The following SDK1 variants were observed in gnomAD, a reference collection of about 807,000 sequenced individuals.
SDK1 encodes protein sidekick-1.
SDK1 carries 157 observed loss-of-function variants against 245.5 expected under a neutral mutation model. That is an observed-to-expected ratio of 0.64 (90% CI 0.56 to 0.73). The LOEUF is 0.73. Ranked by LOEUF, SDK1 falls within the 30% of genes least tolerant of loss-of-function variation. The pLI is 0.00. For synonymous variants in SDK1, 1,647 were observed against 1,278.5 expected (o/e 1.29, Z -6.15); for missense variants, 3,583 against 3,002.3 (o/e 1.19, Z -4.52).
At chr7:3,464,235 G>A (rs557504140) in intron 1 of SDK1, among the ~76,000 whole-genome samples, 1 of 152,228 alleles carries the variant, frequency 6.6e-6, no homozygotes, top group East Asian at 1.9e-4. Context: ...GTTGAAATAA[G>A]GTATTGGGCC....
chr7:3,588,049 T>G (rs191086758), intron 1 of SDK1, among the ~76,000 whole-genome samples: 2 of 152,238 alleles, frequency 1.3e-5, no homozygotes, highest in Non-Finnish European at 2.9e-5. Context: ...GTAGTAGGGA[T>G]GTTCAGCATT....
intron 16 of SDK1, among the ~76,000 whole-genome samples, chr7:4,016,129 G>A (rs1025720831): frequency 3.9e-5 from 6 of 152,230 alleles, no homozygotes; most frequent in East Asian, 1.9e-4. Flanking sequence ...TGCCCTGCCC[G>A]CGTGGGACCA....
chr7:3,926,918 C>T (rs1002581384), intron 5 of SDK1, among the ~76,000 whole-genome samples: 1 of 152,212 alleles, frequency 6.6e-6, no homozygotes, highest in Non-Finnish European at 1.5e-5. Context: ...TGCCACATTT[C>T]CAGCAGGACT....
At chr7:3,725,069 T>G (rs1358004628) in intron 4 of SDK1, among the ~76,000 whole-genome samples, 1 of 152,248 alleles carries the variant, frequency 6.6e-6, no homozygotes, top group Non-Finnish European at 1.5e-5. Flanking sequence ...TGGGCCTAGT[T>G]GTTACTTTTA....
chr7:3,426,102 C>T (rs1329503866), intron 1 of SDK1, among the ~76,000 whole-genome samples: 1 of 152,164 alleles, frequency 6.6e-6, no homozygotes. Context: ...TTTTGTTAAG[C>T]AGTAAACAAC....
At chr7:3,694,547 A>G (rs948368923) in intron 4 of SDK1, among the ~76,000 whole-genome samples, 6 of 145,466 alleles carry the variant, frequency 4.1e-5, no homozygotes, top group Non-Finnish European at 9.0e-5. Flanking sequence ...TGGCACTTAC[A>G]TTGGTCTGGA....
chr7:3,743,071 G>A (rs181176033), intron 4 of SDK1, among the ~76,000 whole-genome samples: 9 of 152,276 alleles, frequency 5.9e-5, no homozygotes, highest in African/African-American at 1.4e-4. Context: ...AGCAATGTAC[G>A]TGTTGTGTGT....
intron 1 of SDK1, among the ~76,000 whole-genome samples, chr7:3,502,129 G>C (rs1360590903): frequency 6.6e-6 from 1 of 152,030 alleles, no homozygotes; most frequent in Non-Finnish European, 1.5e-5. Context: ...GTGTGAGTTA[G>C]AAATTCAGGT....
chr7:3,371,663 C>G (rs1781231706), intron 1 of SDK1, among the ~76,000 whole-genome samples: 1 of 152,072 alleles, frequency 6.6e-6, no homozygotes. Context: ...GGATGGCAAA[C>G]TTGGACACTC....
chr7:4,122,599 A>G (rs1354976580), intron 25 of SDK1, among the ~76,000 whole-genome samples: 1 of 152,120 alleles, frequency 6.6e-6, no homozygotes, highest in Admixed American at 6.5e-5. Context: ...ACATCTTATG[A>G]TATATTATGA....
At chr7:3,710,494 A>T (rs547711457) in intron 4 of SDK1, among the ~76,000 whole-genome samples, 3 of 152,238 alleles carry the variant, frequency 2.0e-5, no homozygotes, top group Non-Finnish European at 2.9e-5. Flanking sequence ...TACTTTTGAT[A>T]TAGAAACAAG....
At chr7:3,479,459 C>G (rs1010788043) in intron 1 of SDK1, among the ~76,000 whole-genome samples, 7 of 148,806 alleles carry the variant, frequency 4.7e-5, no homozygotes, top group African/African-American at 1.7e-4. Flanking sequence ...ATCTATTGTC[C>G]AATTGGTGGA....
At chr7:3,557,589 A>G (rs1779628165) in intron 1 of SDK1, among the ~76,000 whole-genome samples, 1 of 152,246 alleles carries the variant, frequency 6.6e-6, no homozygotes, top group African/African-American at 2.4e-5. Flanking sequence ...CAAACTGAGG[A>G]AATCTGAGTA....
rs116755431 is a variant in SDK1 at position 4,243,838 on chromosome 7, C to A, written c.6252-1838C>A. On this transcript the variant is annotated intron_variant, in intron 43 of 44. Coordinates refer to ENST00000404826, the MANE Select transcript of SDK1 (RefSeq NM_152744.4). ...GAGAGGGGAAGGGTCTGGGCAGGGACACCTGAGATTGGTCCTGTAGCATCA... is the reference window on the plus strand; with the variant it reads ...GAGAGGGGAAGGGTCTGGGCAGGGAAACCTGAGATTGGTCCTGTAGCATCA... Among the ~76,000 whole-genome samples, 589 of 152,276 alleles carry A rather than the reference C, an allele frequency of 3.9e-3. 1 individual carries two copies. The highest frequency in any genetic ancestry group is 0.014 in the African/African-American group (561 of 41,546).
chr7:3,435,520 T>C (rs184858815), intron 1 of SDK1, among the ~76,000 whole-genome samples: 1 of 147,716 alleles, frequency 6.8e-6, no homozygotes, highest in Non-Finnish European at 1.5e-5. Context: ...TGATTATGAT[T>C]ATTATTATTA....
rs1247301091 is a variant in SDK1 at position 3,915,544 on chromosome 7, C to T, written c.848-35379C>T. On this transcript the variant is annotated intron_variant, in intron 5 of 44. Transcript: ENST00000404826. ...GTTTCCCACCTCCATGTAAGACATC[C>T]TTTTGCTCTTCCTTCATCTTACACC... Among the ~76,000 whole-genome samples the T allele has an allele frequency of 3.3e-5, 5 of 152,176 alleles. No individual in the cohort carries two copies. The East Asian group carries it at 7.7e-4, about 23-fold the overall frequency.
intron 4 of SDK1, among the ~76,000 whole-genome samples, chr7:3,773,089 A>C (rs1464158585): frequency 1.3e-5 from 2 of 152,114 alleles, no homozygotes; most frequent in Non-Finnish European, 2.9e-5. Flanking sequence ...TCTTTCCTCA[A>C]ATTTGGGAAG....
intron 1 of SDK1, among the ~76,000 whole-genome samples, chr7:3,409,642 C>T (rs1779146021): frequency 6.6e-6 from 1 of 152,120 alleles, no homozygotes; most frequent in Admixed American, 6.6e-5. Context: ...AATCCCAAGA[C>T]TGGAGGTGGA....
chr7:3,814,683 A>C (rs1779464978), intron 4 of SDK1, among the ~76,000 whole-genome samples: 1 of 151,958 alleles, frequency 6.6e-6, no homozygotes, highest in Non-Finnish European at 1.5e-5. Flanking sequence ...GATGGCATTG[A>C]ATCTGTAAAT....
Sources: allele counts gnomAD v4.1 joint callset (sites outside exome capture counted in the v4.1 genomes callset), GRCh38; gene constraint gnomAD v4.1.1; transcripts MANE v1.5; gene names NCBI Gene and HGNC (gene_info 2026-07-23, HGNC 2026-07-21).